DENND2B: variants seen among roughly 807,000 people sequenced by gnomAD.
DENND2B encodes DENN domain containing 2B, also known as DENN domain-containing protein 2B.
A neutral mutation model predicts 116.0 loss-of-function variants in DENND2B; 32 were observed. The observed-to-expected ratio is 0.28, with a 90% CI of 0.21 to 0.37. DENND2B has a LOEUF of 0.37. Among genes scored for constraint, DENND2B ranks in the 10% least tolerant of loss-of-function variants. The pLI is 1.00. For missense variants in DENND2B, 1,276 were observed against 1,477.7 expected, an observed-to-expected ratio of 0.86 and a Z score of 2.24; for synonymous variants, 588 against 583.9, an observed-to-expected ratio of 1.01 and a Z score of -0.10.
At chr11:8,799,407 TCTTTC>T (rs1478166959) in intron 1 of DENND2B, among the ~76,000 whole-genome samples, 1 of 152,092 alleles carries the variant, frequency 6.6e-6, no homozygotes, top group Non-Finnish European at 1.5e-5. Flanking sequence ...TTCAGTATTT[TCTTTC>T]CTTTCTAGAT....
chr11:8,867,102 T>C (rs1301943635), intron 2 of DENND2B, among the ~76,000 whole-genome samples: 1 of 152,224 alleles, frequency 6.6e-6, no homozygotes, highest in African/African-American at 2.4e-5. Context: ...CTAGGGGATA[T>C]TCCTTGGCCA....
chr11:8,799,447 T>C (rs1012714189), intron 1 of DENND2B, among the ~76,000 whole-genome samples: 4 of 152,066 alleles, frequency 2.6e-5, no homozygotes, highest in Non-Finnish European at 4.4e-5. Flanking sequence ...TCTCAGAACA[T>C]ACCAGCCAGA....
At chr11:8,729,474 A>G (rs1204210298) in intron 3 of DENND2B, among the ~76,000 whole-genome samples, 1 of 152,216 alleles carries the variant, frequency 6.6e-6, no homozygotes, top group Non-Finnish European at 1.5e-5. Flanking sequence ...GAGAGAAGGA[A>G]TTGTGTTAAA....
At chr11:8,751,865 C>G (rs2052569436) in intron 1 of DENND2B, among the ~76,000 whole-genome samples, 1 of 152,232 alleles carries the variant, frequency 6.6e-6, no homozygotes, top group South Asian at 2.1e-4. Context: ...TCCTGACATA[C>G]TATTTATTCA....
At chr11:8,708,134 G>A (rs2042945169) in intron 11 of DENND2B, 1 of 1,356,340 alleles carries the variant, frequency 7.4e-7, no homozygotes, top group South Asian at 1.5e-5. Context: ...CGCTGACGGG[G>A]GCTGGCAAAG....
intron 3 of DENND2B, among the ~76,000 whole-genome samples, chr11:8,841,372 C>T (rs2062618597): frequency 6.6e-6 from 1 of 152,162 alleles, no homozygotes; most frequent in Admixed American, 6.5e-5. Context: ...AGCCAGGTGC[C>T]TCACGCCTGT....
chr11:8,869,483 G>A (rs1329179367), intron 2 of DENND2B, among the ~76,000 whole-genome samples: 2 of 151,988 alleles, frequency 1.3e-5, no homozygotes, highest in Admixed American at 6.6e-5. Context: ...GCCAACATGG[G>A]GAACCCCATC....
chr11:8,872,442 G>A (rs1399846174), upstream of DENND2B, among the ~76,000 whole-genome samples: 6 of 144,014 alleles, frequency 4.2e-5, no homozygotes, highest in African/African-American at 1.3e-4. Flanking sequence ...AGCCAAGATC[G>A]CACCACTGCA....
At chr11:8,887,246 G>A (rs2063971693) in intron 1 of DENND2B, among the ~76,000 whole-genome samples, 2 of 152,142 alleles carry the variant, frequency 1.3e-5, no homozygotes. Context: ...AAAATATTTT[G>A]CATTATCTTC....
chr11:8,696,297 T>G, intron 18 of DENND2B, 130 bp downstream of exon 18: 1 of 1,372,454 alleles, frequency 7.3e-7, no homozygotes, highest in Non-Finnish European at 1.0e-6. Context: ...TTGAAGTTTC[T>G]AACAGAGGTA....
At chr11:8,894,617 A>G (rs2064076503) in intron 1 of DENND2B, among the ~76,000 whole-genome samples, 2 of 152,204 alleles carry the variant, frequency 1.3e-5, no homozygotes, top group South Asian at 4.1e-4. Flanking sequence ...TCAAAAGAAG[A>G]CATTTATGCA....
chr11:8,872,087 G>C (rs762341720), upstream of DENND2B, among the ~76,000 whole-genome samples: 20 of 152,158 alleles, frequency 1.3e-4, no homozygotes, highest in African/African-American at 4.8e-4. Context: ...ACATAAGCAG[G>C]CTCCAAGGCC....
intron 4 of DENND2B, among the ~76,000 whole-genome samples, chr11:8,831,202 A>G (rs1458569725): frequency 6.6e-6 from 1 of 152,180 alleles, no homozygotes; most frequent in Non-Finnish European, 1.5e-5. Context: ...CATGACCCCA[A>G]GACCTCCCTG....
intron 1 of DENND2B, among the ~76,000 whole-genome samples, chr11:8,753,851 T>C (rs1403261430): frequency 1.3e-5 from 2 of 152,000 alleles, no homozygotes; most frequent in African/African-American, 2.4e-5. Context: ...TGGATATCCA[T>C]ATACAAAAGA....
chr11:8,735,645 A>G (rs548995766), intron 2 of DENND2B, among the ~76,000 whole-genome samples: 1 of 152,232 alleles, frequency 6.6e-6, no homozygotes, highest in South Asian at 2.1e-4. Context: ...CTCTCTCACT[A>G]CTACAGGCTC....
intron 4 of DENND2B, among the ~76,000 whole-genome samples, chr11:8,723,290 G>C (rs1269343214): frequency 6.6e-6 from 1 of 152,164 alleles, no homozygotes; most frequent in Non-Finnish European, 1.5e-5. Flanking sequence ...TTTCCTGTGG[G>C]GATACGTTCT....
Position 8,854,566 on chromosome 11 carries a change from A to G in DENND2B, c.-156+2777T>C, listed in dbSNP as rs551603871. On this transcript the variant is annotated intron_variant, in intron 3 of 6. Transcript: ENST00000524757. ...CTATTCTGTAGTTTTCTATTAAAGG[A>G]GCTCACAGACACAAAAAAAGCAGCA... is the stretch of plus-strand genomic sequence containing the variant. 2.0e-3 allele frequency among the ~76,000 whole-genome samples: 312 copies of G among 152,318 alleles called. 2 individuals carry two copies. The highest frequency in any genetic ancestry group is 3.7e-3 in the Admixed American group (57 of 15,306).
intron 1 of DENND2B, among the ~76,000 whole-genome samples, chr11:8,798,027 G>A (rs186129368): frequency 1.0e-3 from 157 of 152,210 alleles, no homozygotes; most frequent in African/African-American, 3.7e-3. Flanking sequence ...CAGTTCAAAC[G>A]TCATTCTCAG....
At chr11:8,787,439 T>A (rs557138673) in intron 1 of DENND2B, among the ~76,000 whole-genome samples, 2 of 152,054 alleles carry the variant, frequency 1.3e-5, no homozygotes, top group Non-Finnish European at 2.9e-5. Flanking sequence ...GCCTGCTGAG[T>A]AGCTGGGACT....
Sources: gnomAD v4.1 joint callset for allele counts (sites outside exome capture counted in the v4.1 genomes callset) on GRCh38, gnomAD v4.1.1 for gene constraint, MANE v1.5 for transcripts, NCBI Gene and HGNC (gene_info 2026-07-23, HGNC 2026-07-21) for gene names.